Variants in C12orf42 observed in about 807,000 individuals in gnomAD.
C12orf42 encodes the protein chromosome 12 open reading frame 42.
In C12orf42, 25 loss-of-function variants were observed where a neutral mutation model predicts 21.6. The ratio of observed to expected loss-of-function variants is 1.16; its 90% CI spans 0.84 to 1.62. The LOEUF is 1.62. Ranked by LOEUF, C12orf42 falls within the 40% of genes most tolerant of loss-of-function variation. C12orf42 has a pLI of 0.00. For missense variants in C12orf42, 483 were observed against 459.3 expected (o/e 1.05, Z -0.47); for synonymous variants, 174 against 175.0 (o/e 0.99, Z 0.05).
At chr12:103,326,250 A>C (rs2040687738) in intron 4 of C12orf42, among the ~76,000 whole-genome samples, 1 of 152,174 alleles carries the variant, frequency 6.6e-6, no homozygotes, top group African/African-American at 2.4e-5. Context: ...GGGCTCTTGA[A>C]AGAATTGAAA....
intron 5 of C12orf42, among the ~76,000 whole-genome samples, chr12:103,304,098 G>A (rs929610110): frequency 1.3e-5 from 2 of 152,182 alleles, no homozygotes; most frequent in Admixed American, 6.5e-5. Context: ...AAGGAACAGT[G>A]TGGTATAATG....
At chr12:103,460,080 T>C (rs1195148212) in intron 2 of C12orf42, among the ~76,000 whole-genome samples, 1 of 152,206 alleles carries the variant, frequency 6.6e-6, no homozygotes, top group Non-Finnish European at 1.5e-5. Flanking sequence ...TAAAGAGTAT[T>C]AATTAAGGCT....
intron 2 of C12orf42, among the ~76,000 whole-genome samples, chr12:103,451,166 C>A (rs1337553213): frequency 6.6e-6 from 1 of 151,940 alleles, no homozygotes; most frequent in Non-Finnish European, 1.5e-5. Flanking sequence ...ATTTTAAATA[C>A]CATTTGCCAA....
the C12orf42 span, among the ~76,000 whole-genome samples, chr12:103,063,256 G>A: frequency 2.9e-4 from 44 of 152,248 alleles, 2 homozygotes; most frequent in South Asian, 6.2e-3. Flanking sequence ...ATTGCCCTTA[G>A]TAAGAACCTT....
At chr12:103,056,795 C>A in the C12orf42 span, among the ~76,000 whole-genome samples, 1 of 152,026 alleles carries the variant, frequency 6.6e-6, no homozygotes, top group African/African-American at 2.4e-5. Context: ...TCTAAAATTT[C>A]CATTTGGTTT....
At chr12:103,217,462 G>A in the C12orf42 span, among the ~76,000 whole-genome samples, 2 of 151,174 alleles carry the variant, frequency 1.3e-5, no homozygotes, top group Non-Finnish European at 2.9e-5. Context: ...CTCAGAGGTC[G>A]AGGCTGCAGT....
chr12:103,118,723 G>A, the C12orf42 span, among the ~76,000 whole-genome samples: 61 of 134,550 alleles, frequency 4.5e-4, no homozygotes, highest in African/African-American at 1.6e-3. Flanking sequence ...GTGTGAGCCC[G>A]GAAGGCAGAG....
chr12:103,076,026 T>A, the C12orf42 span, among the ~76,000 whole-genome samples: 2 of 152,108 alleles, frequency 1.3e-5, no homozygotes, highest in Non-Finnish European at 2.9e-5. Context: ...CTATGTGATT[T>A]CCAAAGGTCA....
intron 10 of C12orf42, among the ~76,000 whole-genome samples, chr12:103,244,008 T>G (rs1177921898): frequency 6.6e-6 from 1 of 152,126 alleles, no homozygotes; most frequent in African/African-American, 2.4e-5. Flanking sequence ...CATTATTTGT[T>G]AAATTTTCCA....
the C12orf42 span, among the ~76,000 whole-genome samples, chr12:103,066,148 A>G: frequency 6.6e-6 from 1 of 152,258 alleles, no homozygotes; most frequent in Middle Eastern, 3.4e-3. Flanking sequence ...CTCTTGGCCA[A>G]TTACTGGGAT....
At chr12:103,493,854 T>C (rs1593029078) in intron 1 of C12orf42, among the ~76,000 whole-genome samples, 2 of 152,272 alleles carry the variant, frequency 1.3e-5, no homozygotes, top group Middle Eastern at 3.4e-3. Context: ...TTAAATGTTA[T>C]ACACCCCTAA....
At chr12:103,249,510 T>G (rs1338388261) in intron 10 of C12orf42, among the ~76,000 whole-genome samples, 2 of 152,088 alleles carry the variant, frequency 1.3e-5, no homozygotes, top group African/African-American at 4.8e-5. Flanking sequence ...CAGTCTAGAT[T>G]TCTAAAGAGA....
chr12:103,544,979 C>T, the C12orf42 span, among the ~76,000 whole-genome samples: 2 of 152,170 alleles, frequency 1.3e-5, no homozygotes, highest in Non-Finnish European at 2.9e-5. Context: ...TGAATGGAAT[C>T]CAGTTTTTCC....
the C12orf42 span, among the ~76,000 whole-genome samples, chr12:103,188,299 T>C: frequency 6.6e-6 from 1 of 152,224 alleles, no homozygotes; most frequent in Non-Finnish European, 1.5e-5. Flanking sequence ...TAATTTTATT[T>C]TTCCATAAGT....
intron 4 of C12orf42, among the ~76,000 whole-genome samples, chr12:103,280,178 G>A (rs183009814): frequency 6.6e-6 from 1 of 152,294 alleles, no homozygotes; most frequent in African/African-American, 2.4e-5. Flanking sequence ...ACATTTTGTA[G>A]GCAAGGAACC....
At chr12:103,313,746 C>T (rs184792134) in intron 4 of C12orf42, among the ~76,000 whole-genome samples, 2 of 152,284 alleles carry the variant, frequency 1.3e-5, no homozygotes, top group African/African-American at 4.8e-5. Flanking sequence ...CCTGAATGAC[C>T]TCTTCGGTGG....
chr12:103,473,121 T>C (rs570523327), intron 2 of C12orf42, among the ~76,000 whole-genome samples: 1 of 152,346 alleles, frequency 6.6e-6, no homozygotes, highest in South Asian at 2.1e-4. Context: ...TTTTGCCTTT[T>C]AGAACATTAG....
the C12orf42 span, among the ~76,000 whole-genome samples, chr12:103,174,683 C>G: frequency 6.6e-6 from 1 of 152,066 alleles, no homozygotes; most frequent in Non-Finnish European, 1.5e-5. Flanking sequence ...TGTAAACAAT[C>G]GAAGTATATC....
At chr12:103,351,290 G>A (rs139898158) in intron 4 of C12orf42, among the ~76,000 whole-genome samples, 22 of 152,108 alleles carry the variant, frequency 1.4e-4, no homozygotes, top group South Asian at 2.1e-4. Flanking sequence ...TAAGGTAAAC[G>A]CCAACCTGTA....
Sources: allele counts gnomAD v4.1 joint callset (sites outside exome capture counted in the v4.1 genomes callset), GRCh38; gene constraint gnomAD v4.1.1; transcripts MANE v1.5; gene names NCBI Gene and HGNC (gene_info 2026-07-23, HGNC 2026-07-21).